Variants in MLPH observed in about 807,000 individuals in gnomAD.
The protein encoded by MLPH is exophilin-3.
In MLPH, 51 loss-of-function variants were observed where a neutral mutation model predicts 72.1. That is an observed-to-expected ratio of 0.71 (90% CI 0.56 to 0.89). MLPH has a LOEUF of 0.89. Among genes scored for constraint, MLPH ranks in the 40% least tolerant of loss-of-function variants. The pLI, the probability that MLPH is intolerant of heterozygous loss-of-function variation, is 0.00. For synonymous variants in MLPH, 301 were observed against 310.1 expected (o/e 0.97, Z 0.31); for missense variants, 743 against 759.9 (o/e 0.98, Z 0.26).
rs1237622235 is a variant in MLPH at position 237,493,359 on chromosome 2, G to A, written c.-24-44G>A. The A allele has an allele frequency of 9.5e-6, 12 of 1,257,666 alleles. No homozygotes were observed. In the African/African-American group the frequency reaches 1.6e-4, roughly 17 times the overall value. The allele number at this position is 1,257,666 out of a possible 1,614,324, so 77.9% of individuals were successfully genotyped here. A position where few individuals can be genotyped will look rare whatever the true frequency, so the allele number is the denominator to read the frequency against. On this transcript the variant is annotated intron_variant, in intron 1 of 15. Coordinates refer to ENST00000264605, the MANE Select transcript of MLPH (RefSeq NM_024101.7). ...TTACTCTGTGACTTGATTGGTATTG[G>A]TAGGCTTCTGGGACTGATGACTTGT...
intron 14 of MLPH, among the ~76,000 whole-genome samples, chr2:237,549,657 G>A (rs903715743): frequency 9.2e-5 from 14 of 152,260 alleles, no homozygotes; most frequent in Admixed American, 2.6e-4. Flanking sequence ...TGTCCTGGAC[G>A]AACGGGATGT....
At chr2:237,503,208 G>A (rs7577227) in intron 2 of MLPH, among the ~76,000 whole-genome samples, 4 of 151,926 alleles carry the variant, frequency 2.6e-5, no homozygotes, top group Non-Finnish European at 5.9e-5. Context: ...TTGGAATCAC[G>A]GACACAGGCA....
At chr2:237,542,494 T>C in intron 11 of MLPH, 73 bp from the exon 12 acceptor site, 1 of 1,268,956 alleles carries the variant, frequency 7.9e-7, no homozygotes, top group Non-Finnish European at 1.1e-6. Flanking sequence ...GCAGCTGCTC[T>C]TTCTGTCCAT....
chr2:237,522,500 T>C (rs1049121750), intron 6 of MLPH, among the ~76,000 whole-genome samples: 2 of 134,190 alleles, frequency 1.5e-5, no homozygotes, highest in Non-Finnish European at 3.3e-5. Flanking sequence ...GAGACTGGGG[T>C]TGGGCCTTCA....
At chr2:237,553,498 A>G (rs2081077440) in intron 15 of MLPH, 68 bp from the exon 16 acceptor site, 2 of 1,443,578 alleles carry the variant, frequency 1.4e-6, no homozygotes, top group African/African-American at 2.8e-5. Context: ...GTGCATGCCC[A>G]TGTGTGTCTG....
At chr2:237,539,229 T>C (rs759462920) in intron 9 of MLPH, among the ~76,000 whole-genome samples, 1 of 149,434 alleles carries the variant, frequency 6.7e-6, no homozygotes, top group Non-Finnish European at 1.5e-5. Flanking sequence ...GTTGTGGAGG[T>C]GGGGGTGAGG....
chr2:237,504,102 G>A (rs760814562), intron 2 of MLPH, among the ~76,000 whole-genome samples: 81 of 152,224 alleles, frequency 5.3e-4, no homozygotes, highest in Non-Finnish European at 1.8e-4. Context: ...GGCTCCAGGA[G>A]GTGCCACAAT....
intron 2 of MLPH, among the ~76,000 whole-genome samples, chr2:237,508,423 C>T (rs996986899): frequency 6.6e-6 from 1 of 152,122 alleles, no homozygotes; most frequent in Non-Finnish European, 1.5e-5. Context: ...ATTTCTTTTT[C>T]AATGAAGGAT....
chr2:237,487,359 G>A lies in MLPH; in HGVS notation c.-103G>A, dbSNP rs947740583. 6 of 150,302 alleles carry A rather than the reference G, an allele frequency of 4.0e-5. No individual in the cohort carries two copies. The highest frequency in any genetic ancestry group is 1.5e-4 in the African/African-American group (6 of 39,020). The allele number at this position is 150,302 out of a possible 1,614,324, so 9.3% of individuals were successfully genotyped here. A position where few individuals can be genotyped will look rare whatever the true frequency, so the allele number is the denominator to read the frequency against. On this transcript the variant is annotated 5_prime_UTR_variant, in exon 1 of 16. Transcript: ENST00000264605. ...CCCCGGCGCCCTGACCTGACGCCCT[G>A]GCCTGACGCCCTGCTTCGTCGCCTC...
chr2:237,554,143 C>T lies in MLPH; in HGVS notation c.*551C>T. The T allele has an allele frequency of 4.0e-6, 1 of 251,166 alleles. No individual in the cohort carries two copies. The highest frequency in any genetic ancestry group is 2.2e-5 in the African/African-American group (1 of 45,426). The allele number at this position is 251,166 out of a possible 1,614,324, so 15.6% of individuals were successfully genotyped here. A position where few individuals can be genotyped will look rare whatever the true frequency, so the allele number is the denominator to read the frequency against. The stretch of plus-strand genomic sequence containing the variant: ...AAGGAGGAATAGACACCCCAGTCCC[C>T]ACCCTACGTGCACCCGCTCTGCAAG... On this transcript the variant is annotated 3_prime_UTR_variant, in exon 16 of 16. Coordinates refer to ENST00000264605, the MANE Select transcript of MLPH (RefSeq NM_024101.7).
At chr2:237,523,921 T>C (rs948241311) in intron 6 of MLPH, among the ~76,000 whole-genome samples, 9 of 151,006 alleles carry the variant, frequency 6.0e-5, no homozygotes, top group Non-Finnish European at 1.0e-4. Flanking sequence ...GGGTAAGTAA[T>C]ATGGTTCGGC....
In MLPH at chr2:237,510,647, A is replaced by C; in HGVS notation, c.184A>C (p.Thr62Pro). 2.5e-6 allele frequency: 4 copies of C among 1,613,772 alleles called. No homozygotes were observed. Among genetic ancestry groups the C allele is most frequent in the Non-Finnish European group, 3.4e-6 (4 of 1,180,050 alleles). ...TTCCGACACTGCCCATCTGAACGAGACCCACTGCGCCCGCTGCCTGCAGCC... is the reference window on the plus strand; with the variant it reads ...TTCCGACACTGCCCATCTGAACGAGCCCCACTGCGCCCGCTGCCTGCAGCC... ...LLSDTAHLNE[T>P]HCARCLQPYQ... is the part of the protein sequence containing the mutation. Residue 62 changes from threonine to proline, a missense_variant, in exon 3 of 16, where the codon ACC becomes CCC. By Grantham distance (38) the Thr-to-Pro change is conservative. Transcript: ENST00000264605. This position sits in a 1 kb window ranked among gnomAD's most constrained non-coding sequence, Gnocchi z 4.4.
intron 2 of MLPH, chr2:237,509,989 G>A (rs1008764058): frequency 2.5e-5 from 4 of 161,746 alleles, no homozygotes; most frequent in Non-Finnish European, 4.1e-5. Context: ...ATCATCTAAG[G>A]ATACACTTTC....
chr2:237,510,254 G>A lies in MLPH; in HGVS notation c.111-320G>A. 1 of 397,908 alleles carries A rather than the reference G, an allele frequency of 2.5e-6. No individual in the cohort carries two copies. Among genetic ancestry groups the A allele is most frequent in the South Asian group, 2.2e-5 (1 of 46,048 alleles). 24.6% of individuals were successfully genotyped at this position (397,908 alleles called of 1,614,324 possible). A position where few individuals can be genotyped will look rare whatever the true frequency, so the allele number is the denominator to read the frequency against. The stretch of plus-strand genomic sequence containing the variant: ...CAGGATTCTGTGACTGCCCTGGGGA[G>A]GGCGCAGTGACCTGCCAACCAAAAT... On this transcript the variant is annotated intron_variant, in intron 2 of 15. Coordinates refer to ENST00000264605, the MANE Select transcript of MLPH (RefSeq NM_024101.7). This position sits in a 1 kb window ranked among gnomAD's most constrained non-coding sequence, Gnocchi z 4.4.
chr2:237,500,138 G>T (rs192040892), intron 2 of MLPH, among the ~76,000 whole-genome samples: 1 of 152,188 alleles, frequency 6.6e-6, no homozygotes, highest in African/African-American at 2.4e-5. Flanking sequence ...GTGGCTCTAC[G>T]TCGTGTGTTG....
chr2:237,552,037 A>G (rs1295846967), intron 14 of MLPH: 1 of 321,854 alleles, frequency 3.1e-6, no homozygotes, highest in African/African-American at 2.2e-5. Context: ...CGAAGACCAC[A>G]CACCAGTGCA....
chr2:237,542,453 A>G (rs543106512), intron 11 of MLPH, 114 bp from the exon 12 acceptor site: 4 of 808,812 alleles, frequency 4.9e-6, no homozygotes, highest in African/African-American at 1.7e-5. Flanking sequence ...GGGAAAACAC[A>G]AGTAAAATTG....
Position 237,493,512 on chromosome 2 carries a change from G to C in MLPH, c.86G>C (p.Arg29Pro), listed in dbSNP as rs555987643. ...LEVVQRDFDL[R>P]RKEEERLEAL... is the part of the protein sequence containing the mutation. ...GTTGTTCAACGAGATTTTGACCTCC[G>C]AAGGAAAGAAGAGGAACGGCTAGAG... The change falls in exon 2 of 16, where the codon CGA becomes CCA. Residue 29 changes from arginine (R) to proline (P), a missense_variant. By Grantham distance (103) the Arg-to-Pro change is moderately radical. Coordinates refer to ENST00000264605, the MANE Select transcript of MLPH (RefSeq NM_024101.7). 6.2e-7 allele frequency: 1 copy of C among 1,613,780 alleles called. No individual in the cohort carries two copies. Among genetic ancestry groups the C allele is most frequent in the Admixed American group, 1.7e-5 (1 of 60,010 alleles).
intron 13 of MLPH, among the ~76,000 whole-genome samples, chr2:237,547,961 G>A (rs1447573422): frequency 1.3e-5 from 2 of 152,172 alleles, no homozygotes; most frequent in Non-Finnish European, 2.9e-5. Context: ...GCAGCAGGGA[G>A]CCTCAAGGAA....
Sources: gnomAD v4.1 joint callset for allele counts (sites outside exome capture counted in the v4.1 genomes callset) on GRCh38, gnomAD v4.1.1 for gene constraint, Gnocchi (gnomAD v3.1) non-coding constraint, MANE v1.5 for transcripts, NCBI Gene and HGNC (gene_info 2026-07-23, HGNC 2026-07-21) for gene names.